Variants in DDX4 observed in about 807,000 individuals in gnomAD.
DDX4 encodes the protein probable ATP-dependent RNA helicase DDX4.
A neutral mutation model predicts 100.0 loss-of-function variants in DDX4; 25 were observed. The observed-to-expected ratio is 0.25, with a 90% CI of 0.18 to 0.35. The LOEUF (loss-of-function observed/expected upper bound fraction) is 0.35, where lower values mean the gene tolerates loss of function less well. DDX4 is among the 10% of genes least tolerant of loss of function. The pLI is 1.00. For synonymous variants in DDX4, 259 were observed against 275.7 expected (o/e 0.94, Z 0.60); for missense variants, 635 against 882.4 (o/e 0.72, Z 3.55).
At chr5:55,813,134 G>A (rs1406850642) in intron 18 of DDX4, among the ~76,000 whole-genome samples, 1 of 151,998 alleles carries the variant, frequency 6.6e-6, no homozygotes. Context: ...CCTGGGATAA[G>A]GTTGTCATTT....
chr5:55,753,006 C>T (rs1759664633), intron 3 of DDX4, among the ~76,000 whole-genome samples: 1 of 151,394 alleles, frequency 6.6e-6, no homozygotes. Flanking sequence ...CTGTTCATGT[C>T]CTTTGCCCAC....
intron 7 of DDX4, among the ~76,000 whole-genome samples, chr5:55,771,806 T>C (rs570586965): frequency 1.3e-5 from 2 of 152,252 alleles, no homozygotes; most frequent in African/African-American, 2.4e-5. Flanking sequence ...GCACTTCTTA[T>C]GTTTATTGGC....
chr5:55,746,496 A>C (rs1201454084), intron 3 of DDX4, among the ~76,000 whole-genome samples: 1 of 152,224 alleles, frequency 6.6e-6, no homozygotes, highest in African/African-American at 2.4e-5. Flanking sequence ...CTGCTAGGGC[A>C]TCATCATCAT....
intron 3 of DDX4, among the ~76,000 whole-genome samples, chr5:55,755,984 A>T (rs1264711536): frequency 1.3e-5 from 2 of 152,174 alleles, no homozygotes; most frequent in African/African-American, 4.8e-5. Flanking sequence ...GCAGTCATAT[A>T]AAATGGCGTC....
At chr5:55,790,138 CTTT>C (rs35365600) in intron 15 of DDX4, among the ~76,000 whole-genome samples, 7 of 102,026 alleles carry the variant, frequency 6.9e-5, no homozygotes, top group African/African-American at 2.3e-4. Flanking sequence ...AAAATATCAC[CTTT>C]TTTTTTTTTT....
rs1742168727 is a variant in DDX4 at position 55,785,194 on chromosome 5, TA to T, written c.626-100del. 3 of 765,360 alleles carry T rather than the reference TA, an allele frequency of 3.9e-6. No homozygotes were observed. In the South Asian group the frequency reaches 4.9e-5, roughly 13 times the overall value. The allele number at this position is 765,360 out of a possible 1,614,324, so 47.4% of individuals were successfully genotyped here. ...TTCAAGTATTTGTAAGAAGGGAATT[TA>T]AAGTTTTTTGGAACTTGTTCTCTTT... On this transcript the variant is annotated intron_variant, in intron 10 of 21. Transcript: ENST00000505374.
intron 13 of DDX4, 64 bp downstream of exon 13, chr5:55,785,935 T>A: frequency 8.4e-7 from 1 of 1,188,028 alleles, no homozygotes; most frequent in Non-Finnish European, 1.2e-6. Flanking sequence ...ATACATTATG[T>A]AGTTTGTAAA....
intron 3 of DDX4, among the ~76,000 whole-genome samples, chr5:55,751,741 T>C (rs927740273): frequency 2.6e-5 from 4 of 152,262 alleles, no homozygotes; most frequent in African/African-American, 9.6e-5. Context: ...TCTTCCATTC[T>C]GTTGTCTGTC....
rs1289216479 is a variant in DDX4 at position 55,790,686 on chromosome 5, A to G, written c.1283A>G (p.Asp428Gly). The part of the protein sequence containing the change: ...ILCATPGRLM[D>G]IIGKEKIGLK... ...TGTGCTACTCCTGGAAGACTGATGG[A>G]TATCATAGGCAAAGAAAAGGTACGC... The change falls in exon 16 of 22, where the codon GAT becomes GGT. Residue 428 changes from aspartate (D) to glycine (G), a missense_variant. By Grantham distance (94) the Asp-to-Gly change is moderately conservative. This residue lies in a region of DDX4 where 446 missense variants were observed against 540.8 expected (regional missense o/e 0.82). Transcript: ENST00000505374. 6.2e-7 allele frequency: 1 copy of G among 1,612,104 alleles called. No individual in the cohort carries two copies. Among genetic ancestry groups the G allele is most frequent in the Non-Finnish European group, 8.5e-7 (1 of 1,178,484 alleles).
chr5:55,776,785 A>G (rs1254802385), intron 7 of DDX4, among the ~76,000 whole-genome samples: 1 of 152,226 alleles, frequency 6.6e-6, no homozygotes, highest in Non-Finnish European at 1.5e-5. Flanking sequence ...AACTGATTGC[A>G]GGAAGAAAGG....
At chr5:55,810,648 A>G (rs983620664) in intron 18 of DDX4, among the ~76,000 whole-genome samples, 2 of 152,148 alleles carry the variant, frequency 1.3e-5, no homozygotes, top group Non-Finnish European at 2.9e-5. Flanking sequence ...CTTACCATAC[A>G]ACTCTTAAAT....
At chr5:55,798,707 T>C (rs2112104356) in intron 18 of DDX4, 136 bp downstream of exon 18, 1 of 682,096 alleles carries the variant, frequency 1.5e-6, no homozygotes, top group Non-Finnish European at 2.1e-6. Context: ...AGCTCTTTTA[T>C]AAAAAATTTT....
At chr5:55,809,518 A>AT (rs1743982121) in intron 18 of DDX4, among the ~76,000 whole-genome samples, 1 of 152,208 alleles carries the variant, frequency 6.6e-6, no homozygotes, top group Non-Finnish European at 1.5e-5. Flanking sequence ...AGCAGATATA[A>AT]TTTTTCATAT....
intron 17 of DDX4, among the ~76,000 whole-genome samples, chr5:55,794,977 T>C (rs77987736): frequency 6.6e-6 from 1 of 151,838 alleles, no homozygotes; most frequent in Non-Finnish European, 1.5e-5. Context: ...TTTTTTTTTT[T>C]TTCTTGAGAC....
rs1758786274 is a variant in DDX4, at chr5:55,738,076, G to A, written c.-40G>A. ...TTTAAGTCGCGTGGGCGCCTGCGAG[G>A]GCTTGGGAGAGCAAGCCGCGGAGAG... On this transcript the variant is annotated 5_prime_UTR_variant, in exon 1 of 22. Coordinates refer to ENST00000505374, the MANE Select transcript of DDX4 (RefSeq NM_024415.3). The A allele has an allele frequency of 6.6e-6, 1 of 152,320 alleles. No homozygotes were observed. Among genetic ancestry groups the A allele is most frequent in the African/African-American group, 2.4e-5 (1 of 41,480 alleles). The allele number at this position is 152,320 out of a possible 1,614,324, so 9.4% of individuals were successfully genotyped here.
At chr5:55,760,534 T>G (rs979867326) in intron 4 of DDX4, among the ~76,000 whole-genome samples, 2 of 152,154 alleles carry the variant, frequency 1.3e-5, no homozygotes, top group African/African-American at 4.8e-5. Flanking sequence ...GATGGATGAT[T>G]CACAGAGCTG....
intron 3 of DDX4, among the ~76,000 whole-genome samples, chr5:55,749,817 T>C (rs1759444582): frequency 6.6e-6 from 1 of 151,608 alleles, no homozygotes; most frequent in Non-Finnish European, 1.5e-5. Context: ...GTCTTTTTTT[T>C]TTTTTTTTCC....
chr5:55,805,513 A>T (rs1743639328), intron 18 of DDX4, among the ~76,000 whole-genome samples: 3 of 151,964 alleles, frequency 2.0e-5, no homozygotes, highest in Admixed American at 2.0e-4. Context: ...TACCTAATTT[A>T]TTGAGAGTTT....
intron 7 of DDX4, among the ~76,000 whole-genome samples, chr5:55,774,141 T>C (rs1741417496): frequency 6.6e-6 from 1 of 151,426 alleles, no homozygotes; most frequent in South Asian, 2.1e-4. Flanking sequence ...TTTTTTTAAT[T>C]TATCTAATTT....
Sources: gnomAD v4.1 joint callset for allele counts (sites outside exome capture counted in the v4.1 genomes callset) on GRCh38, gnomAD v4.1.1 for gene constraint, gnomAD v4.1.1 regional missense constraint, MANE v1.5 for transcripts, NCBI Gene and HGNC (gene_info 2026-07-23, HGNC 2026-07-21) for gene names.